The following CDH13 variants were observed in gnomAD, a reference collection of about 807,000 sequenced individuals.
CDH13 encodes cadherin 13.
In CDH13, 24 loss-of-function variants were observed where a neutral mutation model predicts 63.8. That is an observed-to-expected ratio of 0.38 (90% CI 0.27 to 0.53). CDH13 has a LOEUF of 0.53. Ranked by LOEUF, CDH13 falls within the 20% of genes least tolerant of loss-of-function variation. CDH13 has a pLI of 0.85. For synonymous variants in CDH13, 503 were observed against 355.3 expected, an observed-to-expected ratio of 1.42 and a Z score of -4.67; for missense variants, 1,049 against 903.1, an observed-to-expected ratio of 1.16 and a Z score of -2.07.
chr16:83,356,760 A>T (rs1238250417), intron 6 of CDH13, among the ~76,000 whole-genome samples: 3 of 152,234 alleles, frequency 2.0e-5, no homozygotes, highest in Non-Finnish European at 4.4e-5. Context: ...CCTTTCAAGT[A>T]TATGTCTTAT....
rs140551653 is a variant in CDH13, at chr16:82,831,219, G to C, written c.46-27143G>C. ...GCATTTGAGAAGCATTAATCCAGGGGCTTCTTTGCAGTCAGTGATGGTGAT... is the reference window on the plus strand; with the variant it reads ...GCATTTGAGAAGCATTAATCCAGGGCCTTCTTTGCAGTCAGTGATGGTGAT... On this transcript the variant is annotated intron_variant, in intron 1 of 13. Coordinates refer to ENST00000567109, the MANE Select transcript of CDH13 (RefSeq NM_001257.5). 3.0e-3 allele frequency among the ~76,000 whole-genome samples: 451 copies of C among 152,158 alleles called. 1 individual carries two copies. Among genetic ancestry groups the C allele is most frequent in the African/African-American group, 0.011 (443 of 41,526 alleles).
At chr16:82,665,492 AG>A (rs1475378929) in intron 1 of CDH13, among the ~76,000 whole-genome samples, 1 of 152,228 alleles carries the variant, frequency 6.6e-6, no homozygotes, top group Non-Finnish European at 1.5e-5. Context: ...ATATATGTTA[AG>A]TATTCATGGT....
intron 11 of CDH13, among the ~76,000 whole-genome samples, chr16:83,763,278 T>C (rs1015442979): frequency 6.6e-6 from 1 of 152,216 alleles, no homozygotes; most frequent in African/African-American, 2.4e-5. Context: ...TAGACTAAGA[T>C]AATGATTTTT....
intron 6 of CDH13, among the ~76,000 whole-genome samples, chr16:83,345,962 T>G (rs761800320): frequency 6.6e-6 from 1 of 152,106 alleles, no homozygotes; most frequent in African/African-American, 2.4e-5. Flanking sequence ...GACATGTAGA[T>G]ACATGAGGCT....
At chr16:83,278,591 A>G (rs987404621) in intron 5 of CDH13, among the ~76,000 whole-genome samples, 1 of 152,250 alleles carries the variant, frequency 6.6e-6, no homozygotes, top group African/African-American at 2.4e-5. Context: ...TGGAGGAGAC[A>G]GCAAGAAAAA....
intron 11 of CDH13, among the ~76,000 whole-genome samples, chr16:83,756,751 C>T (rs543543138): frequency 6.6e-5 from 10 of 152,232 alleles, no homozygotes; most frequent in African/African-American, 2.4e-4. Context: ...CATCACAGTC[C>T]TAAATCTGTA....
chr16:82,858,539 C>A, intron 2 of CDH13, 66 bp downstream of exon 2: 4 of 995,884 alleles, frequency 4.0e-6, no homozygotes, highest in Non-Finnish European at 3.2e-6. Flanking sequence ...ATGTTTATGA[C>A]TGTGTCTCAG....
At chr16:83,315,446 G>A (rs1468447949) in intron 5 of CDH13, among the ~76,000 whole-genome samples, 1 of 152,150 alleles carries the variant, frequency 6.6e-6, no homozygotes, top group Non-Finnish European at 1.5e-5. Context: ...CAACCCCACT[G>A]TGTGTACAGT....
At chr16:83,605,222 G>A (rs1028738435) in intron 8 of CDH13, among the ~76,000 whole-genome samples, 2 of 152,236 alleles carry the variant, frequency 1.3e-5, no homozygotes, top group African/African-American at 2.4e-5. Context: ...CATAAAGAGA[G>A]ATAAGTAATC....
chr16:83,053,534 C>G (rs1173784269), intron 3 of CDH13, among the ~76,000 whole-genome samples: 1 of 152,052 alleles, frequency 6.6e-6, no homozygotes, highest in Non-Finnish European at 1.5e-5. Context: ...CAATTGAAAA[C>G]AGATTGGCTG....
intron 2 of CDH13, among the ~76,000 whole-genome samples, chr16:82,947,978 G>A (rs1480947105): frequency 1.3e-5 from 2 of 152,110 alleles, no homozygotes; most frequent in South Asian, 2.1e-4. Context: ...GGACCATATT[G>A]AATTCATTTG....
At chr16:82,750,174 G>T (rs1219280155) in intron 1 of CDH13, among the ~76,000 whole-genome samples, 2 of 152,160 alleles carry the variant, frequency 1.3e-5, no homozygotes, top group African/African-American at 4.8e-5. Flanking sequence ...GCTTCAGAGG[G>T]CAGCGGTTGT....
At chr16:83,205,679 A>G (rs1028422141) in intron 4 of CDH13, among the ~76,000 whole-genome samples, 17 of 142,840 alleles carry the variant, frequency 1.2e-4, no homozygotes, top group African/African-American at 4.5e-4. Flanking sequence ...ATCTTGGCTC[A>G]CTGCAACCTC....
intron 7 of CDH13, among the ~76,000 whole-genome samples, chr16:83,570,490 A>C (rs1904474128): frequency 6.6e-6 from 1 of 152,026 alleles, no homozygotes; most frequent in Non-Finnish European, 1.5e-5. Context: ...AAAGCCAAGG[A>C]AAAACGTACT....
At chr16:82,849,641 A>G (rs1053196946) in intron 1 of CDH13, among the ~76,000 whole-genome samples, 1 of 152,252 alleles carries the variant, frequency 6.6e-6, no homozygotes, top group Non-Finnish European at 1.5e-5. Flanking sequence ...ACATGGTTAA[A>G]ACATTCTTAT....
chr16:83,544,361 C>G (rs761036823), intron 7 of CDH13, among the ~76,000 whole-genome samples: 9 of 152,044 alleles, frequency 5.9e-5, no homozygotes, highest in Admixed American at 2.0e-4. Context: ...CCTATAGATG[C>G]TCCTCAACTT....
chr16:83,502,204 A>G (rs1232418068), intron 7 of CDH13, among the ~76,000 whole-genome samples: 3 of 152,190 alleles, frequency 2.0e-5, no homozygotes, highest in African/African-American at 7.2e-5. Context: ...TAAGTCAAAT[A>G]TATTGAGATT....
chr16:83,360,462 A>G (rs1041333101), intron 6 of CDH13, among the ~76,000 whole-genome samples: 2 of 151,870 alleles, frequency 1.3e-5, no homozygotes, highest in East Asian at 3.9e-4. Flanking sequence ...CTTTTTCTAT[A>G]ATCTCAACCT....
intron 5 of CDH13, among the ~76,000 whole-genome samples, chr16:83,340,755 T>A (rs142204147): frequency 6.6e-6 from 1 of 152,162 alleles, no homozygotes; most frequent in Non-Finnish European, 1.5e-5. Flanking sequence ...ATTGGTCAGA[T>A]GTGTAATTGC....
Sources: allele counts gnomAD v4.1 joint callset (sites outside exome capture counted in the v4.1 genomes callset), GRCh38; gene constraint gnomAD v4.1.1; transcripts MANE v1.5; gene names NCBI Gene and HGNC (gene_info 2026-07-23, HGNC 2026-07-21).